SLC35F3: variants seen among roughly 807,000 people sequenced by gnomAD.
SLC35F3 encodes putative thiamine transporter SLC35F3.
Under a neutral mutation model 49.9 loss-of-function variants are expected in SLC35F3, and 25 were observed. The observed-to-expected ratio is 0.50, with a 90% confidence interval of 0.37 to 0.70. The LOEUF is 0.70. Among genes scored for constraint, SLC35F3 ranks in the 30% least tolerant of loss-of-function variants. The pLI, the probability that SLC35F3 is intolerant of heterozygous loss-of-function variation, is 0.00. For synonymous variants in SLC35F3, 275 were observed against 265.4 expected (o/e 1.04, Z -0.35); for missense variants, 525 against 639.8 (o/e 0.82, Z 1.94).
rs1201530779 is a variant in SLC35F3, at chr1:234,027,563, A to T, written c.283+121805A>T. ...CTTAGACTCGCAATAGGTAGGCTAG[A>T]AGGCTGTTCTCTGATCTAAGCAAGA... is the stretch of plus-strand genomic sequence containing the variant. On this transcript the variant is annotated intron_variant, in intron 2 of 7. Coordinates refer to ENST00000366618, the MANE Select transcript of SLC35F3 (RefSeq NM_173508.4). The surrounding 1 kb of genome is among the most constrained non-coding windows in gnomAD (Gnocchi z 4.1). Among the ~76,000 whole-genome samples, 1 of 152,196 alleles carries T rather than the reference A, an allele frequency of 6.6e-6. No homozygotes were observed. The highest frequency in any genetic ancestry group is 1.9e-4 in the East Asian group (1 of 5,200).
chr1:234,227,588 C>T (rs758167962), intron 2 of SLC35F3, among the ~76,000 whole-genome samples: 121 of 152,018 alleles, frequency 8.0e-4, no homozygotes, highest in Non-Finnish European at 1.3e-3. Context: ...TTAGGAGAGA[C>T]GGGGTTTCAC....
intron 2 of SLC35F3, among the ~76,000 whole-genome samples, chr1:234,110,020 G>A (rs991752870): frequency 6.6e-6 from 1 of 152,074 alleles, no homozygotes; most frequent in Non-Finnish European, 1.5e-5. Flanking sequence ...GGAAAGTGAA[G>A]GATAGTATGA....
intron 2 of SLC35F3, among the ~76,000 whole-genome samples, chr1:234,170,856 C>T (rs1001078842): frequency 6.6e-6 from 1 of 152,212 alleles, no homozygotes; most frequent in Non-Finnish European, 1.5e-5. Context: ...TTGATGTGGC[C>T]TTGCCGTGGG....
chr1:233,933,566 G>A (rs1341662347), intron 2 of SLC35F3, among the ~76,000 whole-genome samples: 2 of 152,126 alleles, frequency 1.3e-5, no homozygotes, highest in Non-Finnish European at 2.9e-5. Flanking sequence ...GGGTTGGGAA[G>A]TAAGAAAAGG....
intron 2 of SLC35F3, among the ~76,000 whole-genome samples, chr1:234,107,876 T>C (rs1665308153): frequency 6.6e-6 from 1 of 152,166 alleles, no homozygotes; most frequent in Non-Finnish European, 1.5e-5. Context: ...AAAAACATGG[T>C]TAGACTGACT....
intron 2 of SLC35F3, among the ~76,000 whole-genome samples, chr1:234,039,035 A>G (rs964440184): frequency 6.6e-6 from 1 of 152,212 alleles, no homozygotes; most frequent in Non-Finnish European, 1.5e-5. Flanking sequence ...TTAAGAAGAG[A>G]TGGATGGATA....
chr1:234,165,038 TTGTGTGTGTGTGTGTG>T lies in SLC35F3; in HGVS notation c.284-66347_284-66332del, dbSNP rs58676109. On this transcript the variant is annotated intron_variant, in intron 2 of 7. Coordinates refer to ENST00000366618, the MANE Select transcript of SLC35F3 (RefSeq NM_173508.4). ...TGGTCAGCTTACCTCTAGCTTCAAT[TTGTGTGTGTGTGTGTG>T]TGTGTGTGTGTGTGTGTGTGTGTGT... is the stretch of plus-strand genomic sequence containing the variant. 2.8e-4 allele frequency among the ~76,000 whole-genome samples: 38 copies of T among 137,874 alleles called. 1 individual carries two copies. The highest frequency in any genetic ancestry group is 2.3e-3 in the South Asian group (9 of 3,994). The allele number at this position is 137,874 out of a possible 152,430, so 90.5% of individuals were successfully genotyped here.
At chr1:234,096,276 T>G (rs1049282216) in intron 2 of SLC35F3, among the ~76,000 whole-genome samples, 1 of 152,002 alleles carries the variant, frequency 6.6e-6, no homozygotes, top group African/African-American at 2.4e-5. Context: ...CACATCACCC[T>G]TTTTCCTCGG....
chr1:234,247,600 A>G (rs1483900587), intron 3 of SLC35F3, among the ~76,000 whole-genome samples: 1 of 95,994 alleles, frequency 1.0e-5, no homozygotes, highest in South Asian at 3.2e-4. Context: ...GGTGGGTTGA[A>G]TGGCTGGTCT....
intron 2 of SLC35F3, among the ~76,000 whole-genome samples, chr1:233,954,007 T>TC (rs1317585306): frequency 3.3e-5 from 5 of 149,534 alleles, no homozygotes; most frequent in African/African-American, 4.9e-5. Context: ...AACTAGAGCC[T>TC]CTTTTTTTTT....
intron 3 of SLC35F3, among the ~76,000 whole-genome samples, chr1:234,256,215 A>G (rs1194018293): frequency 6.6e-6 from 1 of 152,238 alleles, no homozygotes; most frequent in African/African-American, 2.4e-5. Flanking sequence ...TAGTTTACCA[A>G]TGCAATGATG....
chr1:234,182,200 C>T (rs1377517118), intron 2 of SLC35F3, among the ~76,000 whole-genome samples: 1 of 152,166 alleles, frequency 6.6e-6, no homozygotes, highest in East Asian at 1.9e-4. Flanking sequence ...CAGTTATTAT[C>T]CTTAATGATA....
chr1:234,140,002 A>AATAAAAATAAT, intron 2 of SLC35F3, among the ~76,000 whole-genome samples: 1 of 105,368 alleles, frequency 9.5e-6, no homozygotes, highest in Non-Finnish European at 2.4e-5. Flanking sequence ...AATAAAATAA[A>AATAAAAATAAT]GTAAGTGACT....
intron 2 of SLC35F3, among the ~76,000 whole-genome samples, chr1:233,984,312 G>A (rs1222751805): frequency 2.6e-5 from 4 of 152,182 alleles, no homozygotes; most frequent in African/African-American, 7.2e-5. Context: ...ACTACTCCAC[G>A]GAGTAGGACC....
At chr1:234,301,986 C>T (rs1301156004) in intron 3 of SLC35F3, among the ~76,000 whole-genome samples, 1 of 152,046 alleles carries the variant, frequency 6.6e-6, no homozygotes, top group Non-Finnish European at 1.5e-5. Flanking sequence ...GGGATTTGAA[C>T]ATTGAGAACA....
intron 2 of SLC35F3, among the ~76,000 whole-genome samples, chr1:234,141,323 G>A (rs540567609): frequency 2.0e-5 from 3 of 152,186 alleles, no homozygotes; most frequent in East Asian, 3.9e-4. Context: ...GTGGAGACCC[G>A]GGCCCTAGAC....
At chr1:234,089,578 T>A (rs1665010512) in intron 2 of SLC35F3, among the ~76,000 whole-genome samples, 1 of 152,208 alleles carries the variant, frequency 6.6e-6, no homozygotes, top group Non-Finnish European at 1.5e-5. Context: ...GTTCGTCTGC[T>A]GCCTCCAGTG....
At chr1:234,061,897 G>A (rs570548512) in intron 2 of SLC35F3, among the ~76,000 whole-genome samples, 21 of 151,930 alleles carry the variant, frequency 1.4e-4, no homozygotes, top group South Asian at 8.3e-4. Flanking sequence ...GTTTCTTTTC[G>A]TTTTTTTGAA....
chr1:234,262,781 C>A (rs1667925442), intron 3 of SLC35F3, among the ~76,000 whole-genome samples: 1 of 152,202 alleles, frequency 6.6e-6, no homozygotes, highest in Non-Finnish European at 1.5e-5. Flanking sequence ...CACCAAGTCA[C>A]AGGCTCTGTT....
Sources: allele counts gnomAD v4.1 joint callset (sites outside exome capture counted in the v4.1 genomes callset), GRCh38; gene constraint gnomAD v4.1.1; non-coding constraint Gnocchi (gnomAD v3.1); transcripts MANE v1.5; gene names NCBI Gene and HGNC (gene_info 2026-07-23, HGNC 2026-07-21).